Variants in CSGALNACT2 observed in about 807,000 individuals in gnomAD.
CSGALNACT2 encodes beta 4 GalNAcT-2.
In CSGALNACT2, 35 loss-of-function variants were observed where a neutral mutation model predicts 55.3. The ratio of observed to expected loss-of-function variants is 0.63; its 90% CI spans 0.48 to 0.84. The LOEUF is 0.84. Among genes scored for constraint, CSGALNACT2 ranks in the 40% least tolerant of loss-of-function variants. CSGALNACT2 has a pLI of 0.00. For synonymous variants in CSGALNACT2, 196 were observed against 224.9 expected, an observed-to-expected ratio of 0.87 and a Z score of 1.15; for missense variants, 544 against 657.5, an observed-to-expected ratio of 0.83 and a Z score of 1.89.
chr10:43,145,855 C>A lies in CSGALNACT2; in HGVS notation c.-254+7288C>A, dbSNP rs75904548. Among the ~76,000 whole-genome samples, 7 of 152,226 alleles carry A rather than the reference C, an allele frequency of 4.6e-5. No individual in the cohort carries two copies. In the East Asian group the frequency reaches 1.2e-3, roughly 25 times the overall value. The stretch of plus-strand genomic sequence containing the variant: ...TGGCTTTGTCCAGGGGATTTACAGA[C>A]CTGGTCTCCATCTTATTTTAATAGT... On this transcript the variant is annotated intron_variant, in intron 1 of 7. Transcript: ENST00000374466.
intron 2 of CSGALNACT2, among the ~76,000 whole-genome samples, chr10:43,158,299 G>C (rs527611309): frequency 1.1e-4 from 16 of 152,140 alleles, no homozygotes; most frequent in Admixed American, 9.8e-4. Context: ...GGCACTCTTT[G>C]TATCACATAA....
chr10:43,149,296 A>G (rs1838826321), intron 1 of CSGALNACT2, among the ~76,000 whole-genome samples: 1 of 152,140 alleles, frequency 6.6e-6, no homozygotes, highest in Admixed American at 6.5e-5. Context: ...TGTGCTAGCC[A>G]GGATGGTCTC....
rs377542609 is a variant in CSGALNACT2 at position 43,177,888 on chromosome 10, T to A, written c.1336+1856T>A. On this transcript the variant is annotated intron_variant, in intron 7 of 7. Coordinates refer to ENST00000374466, the MANE Select transcript of CSGALNACT2 (RefSeq NM_018590.5). ...TCATTTTACATTCCCACCAGCAGTG[T>A]TTAGGAGTTCCAGTTTCCCCACATC... 2.5e-4 allele frequency among the ~76,000 whole-genome samples: 38 copies of A among 152,332 alleles called. No individual in the cohort carries two copies. In the East Asian group the frequency reaches 7.1e-3, roughly 29 times the overall value.
intron 6 of CSGALNACT2, among the ~76,000 whole-genome samples, chr10:43,168,029 T>C (rs1379714920): frequency 6.6e-6 from 1 of 152,122 alleles, no homozygotes; most frequent in African/African-American, 2.4e-5. Context: ...CATTGGAAAT[T>C]AGAATATGAA....
At chr10:43,181,677 C>G (rs61083110) in intron 7 of CSGALNACT2, among the ~76,000 whole-genome samples, 246 of 151,016 alleles carry the variant, frequency 1.6e-3, no homozygotes, top group African/African-American at 5.9e-3. Flanking sequence ...ACTAAGGAGG[C>G]TAAGGCAGAA....
rs1399468504 is a variant in CSGALNACT2 at position 43,155,371 on chromosome 10, T to G, written c.222T>G (p.Ser74Arg). 6.2e-7 allele frequency: 1 copy of G among 1,614,088 alleles called. No homozygotes were observed. The highest frequency in any genetic ancestry group is 1.3e-5 in the African/African-American group (1 of 75,010). ...AACATTATCAGACCAGGGCAACCAG[T>G]CTGAAACGCCAAATTGCCCAACTAA... ...QEEHYQTRATSLKRQIAQLKQ... is the reference protein window; with the variant it reads ...QEEHYQTRATRLKRQIAQLKQ... The change falls in exon 2 of 8, where the codon AGT becomes AGG. Residue 74 changes from serine to arginine, a missense_variant. By Grantham distance (110) the Ser-to-Arg change is moderately radical. Around this residue, in one of 2 missense-constraint regions of CSGALNACT2, gnomAD observed 374 missense variants for 401.3 expected, o/e 0.93. Transcript: ENST00000374466.
At chr10:43,157,517 C>T (rs1347344687) in intron 2 of CSGALNACT2, among the ~76,000 whole-genome samples, 2 of 152,212 alleles carry the variant, frequency 1.3e-5, no homozygotes, top group African/African-American at 4.8e-5. Flanking sequence ...AGGTCTAAGA[C>T]AGCAGTACTT....
At chr10:43,178,971 CTGAT>C (rs756790394) in intron 7 of CSGALNACT2, among the ~76,000 whole-genome samples, 4 of 152,060 alleles carry the variant, frequency 2.6e-5, no homozygotes, top group East Asian at 1.9e-4. Flanking sequence ...TCCAAGTTCT[CTGAT>C]TGTTTTTTCT....
At chr10:43,162,092 A>C (rs114142187) in intron 4 of CSGALNACT2, 1 of 505,414 alleles carries the variant, frequency 2.0e-6, no homozygotes, top group Admixed American at 2.0e-5. Context: ...AAGAAAATCA[A>C]AACAACTCTT....
intron 5 of CSGALNACT2, 86 bp from the exon 6 acceptor site, chr10:43,166,918 C>A: frequency 1.4e-6 from 1 of 708,528 alleles, no homozygotes; most frequent in Non-Finnish European, 2.4e-6. Context: ...TATAATAAGA[C>A]TTTGATAAAA....
intron 1 of CSGALNACT2, among the ~76,000 whole-genome samples, chr10:43,146,968 T>C (rs1200419764): frequency 0.014 from 2 of 144 alleles, no homozygotes; most frequent in African/African-American, 0.032. Context: ...AGCATCTTTT[T>C]TTTTTTTTTT....
chr10:43,145,198 A>G (rs1400350781), intron 1 of CSGALNACT2, among the ~76,000 whole-genome samples: 4 of 152,212 alleles, frequency 2.6e-5, no homozygotes, highest in African/African-American at 7.2e-5. Context: ...CAATTCATGA[A>G]TCAGACAGCA....
intron 1 of CSGALNACT2, among the ~76,000 whole-genome samples, chr10:43,142,737 A>G (rs953120197): frequency 6.6e-6 from 1 of 152,196 alleles, no homozygotes; most frequent in Admixed American, 6.5e-5. Context: ...TTATGCATAT[A>G]TAGGAATTTT....
At chr10:43,158,000 G>A (rs1315583885) in intron 2 of CSGALNACT2, among the ~76,000 whole-genome samples, 1 of 144,764 alleles carries the variant, frequency 6.9e-6, no homozygotes, top group Non-Finnish European at 1.5e-5. Context: ...CTGCACTCCA[G>A]CCTGGTGACA....
chr10:43,175,929 T>TG, intron 6 of CSGALNACT2, 22 bp from the exon 7 acceptor site: 1 of 1,467,400 alleles, frequency 6.8e-7, no homozygotes, highest in South Asian at 1.2e-5. Context: ...AATTGTTTTC[T>TG]GTTTTTTTTT....
At chr10:43,152,291 CTTAATATA>C (rs1835578251) in intron 1 of CSGALNACT2, among the ~76,000 whole-genome samples, 2 of 152,056 alleles carry the variant, frequency 1.3e-5, no homozygotes. Flanking sequence ...CTATAATATT[CTTAATATA>C]TTTATATGAT....
At chr10:43,143,463 G>A (rs1289454403) in intron 1 of CSGALNACT2, among the ~76,000 whole-genome samples, 1 of 151,538 alleles carries the variant, frequency 6.6e-6, no homozygotes, top group Non-Finnish European at 1.5e-5. Flanking sequence ...TAAACGGCCT[G>A]TGCATTTAAA....
chr10:43,183,183 T>G (rs576106682), intron 7 of CSGALNACT2, 67 bp from the exon 8 acceptor site: 3 of 1,238,372 alleles, frequency 2.4e-6, no homozygotes, highest in South Asian at 2.6e-5. Flanking sequence ...ATTTAAAATT[T>G]TATATATATC....
intron 1 of CSGALNACT2, among the ~76,000 whole-genome samples, chr10:43,143,579 G>C (rs1265446918): frequency 6.6e-6 from 1 of 151,562 alleles, no homozygotes; most frequent in Non-Finnish European, 1.5e-5. Flanking sequence ...AAGGAACATT[G>C]ACTGTTCAGG....
Sources: allele counts gnomAD v4.1 joint callset (sites outside exome capture counted in the v4.1 genomes callset), GRCh38; gene constraint gnomAD v4.1.1; regional missense constraint gnomAD v4.1.1; transcripts MANE v1.5; gene names NCBI Gene and HGNC (gene_info 2026-07-23, HGNC 2026-07-21).